The following MYT1L variants were observed in gnomAD, a reference collection of about 807,000 sequenced individuals.
MYT1L encodes myelin transcription factor 1 like, also known as myelin transcription factor 1-like protein.
Under a neutral mutation model 126.7 loss-of-function variants are expected in MYT1L, and 12 were observed. That is an observed-to-expected ratio of 0.09 (90% CI 0.06 to 0.15). The LOEUF (loss-of-function observed/expected upper bound fraction) is 0.15, where lower values mean the gene tolerates loss of function less well. MYT1L is among the 10% of genes least tolerant of loss of function. MYT1L has a pLI of 1.00. For synonymous variants in MYT1L, 541 were observed against 604.2 expected (o/e 0.90, Z 1.53); for missense variants, 979 against 1,585.2 (o/e 0.62, Z 6.49).
intron 2 of MYT1L, among the ~76,000 whole-genome samples, chr2:2,187,852 A>T (rs2092322255): frequency 6.6e-6 from 1 of 152,118 alleles, no homozygotes. Flanking sequence ...TCTTATCCCC[A>T]ATTCTTTTTA....
At chr2:1,808,470 T>TA (rs1354530301) in intron 22 of MYT1L, among the ~76,000 whole-genome samples, 1 of 151,746 alleles carries the variant, frequency 6.6e-6, no homozygotes, top group Non-Finnish European at 1.5e-5. Flanking sequence ...ACCTCGCAAA[T>TA]AGAGTCCCCA....
At chr2:2,164,715 T>C (rs1392980230) in intron 3 of MYT1L, among the ~76,000 whole-genome samples, 2 of 152,194 alleles carry the variant, frequency 1.3e-5, no homozygotes, top group South Asian at 2.1e-4. Context: ...TTTCAGGGCA[T>C]ATGAAAGAAA....
chr2:2,328,246 C>A (rs974968770), intron 1 of MYT1L, among the ~76,000 whole-genome samples: 1 of 151,966 alleles, frequency 6.6e-6, no homozygotes, highest in South Asian at 2.1e-4. Context: ...AGAAAGCAGA[C>A]AGAAAACATC....
chr2:1,810,129 CT>C (rs67292334), intron 21 of MYT1L: 72,119 of 122,738 alleles, frequency 0.59, 20,565 homozygotes, highest in South Asian at 0.71. Flanking sequence ...ATATATAACG[CT>C]TTTTTTTTTT....
chr2:2,192,505 T>C (rs2092639103), intron 2 of MYT1L, among the ~76,000 whole-genome samples: 1 of 152,166 alleles, frequency 6.6e-6, no homozygotes, highest in Non-Finnish European at 1.5e-5. Context: ...GCAGAATATC[T>C]TAAACTTCCC....
At chr2:2,060,473 T>C (rs915708706) in intron 3 of MYT1L, among the ~76,000 whole-genome samples, 3 of 152,218 alleles carry the variant, frequency 2.0e-5, no homozygotes, top group African/African-American at 7.2e-5. Flanking sequence ...GAATGATCTA[T>C]TACTTTATGT....
chr2:2,097,237 C>T (rs1460383350), intron 3 of MYT1L, among the ~76,000 whole-genome samples: 1 of 152,186 alleles, frequency 6.6e-6, no homozygotes, highest in Admixed American at 6.5e-5. Context: ...CTGATTCCTG[C>T]TTTGCTACAC....
chr2:2,309,376 A>G (rs1329490409), intron 1 of MYT1L, among the ~76,000 whole-genome samples: 1 of 151,718 alleles, frequency 6.6e-6, no homozygotes, highest in African/African-American at 2.4e-5. Flanking sequence ...TCTACACTTC[A>G]GTATACTCTG....
intron 8 of MYT1L, among the ~76,000 whole-genome samples, chr2:1,977,829 C>T (rs1172975008): frequency 1.3e-5 from 2 of 152,112 alleles, no homozygotes; most frequent in Non-Finnish European, 2.9e-5. Context: ...ATAAACAATG[C>T]AGTGTTTTAG....
In MYT1L at chr2:2,015,678, G is replaced by T. The variant is rs573312962; in HGVS notation, c.-157-18331C>A. On this transcript the variant is annotated intron_variant, in intron 4 of 24. Transcript: ENST00000647738. ...AAAACCACATGAGGAAACAAAGGTG[G>T]AAGGAGAAGCCTGTGAGGCAAGGGA... Among the ~76,000 whole-genome samples, 117 of 152,280 alleles carry T rather than the reference G, an allele frequency of 7.7e-4. 1 individual carries two copies. The highest frequency in any genetic ancestry group is 3.4e-3 in the Middle Eastern group (1 of 294).
At chr2:2,015,259 G>C (rs1027997169) in intron 4 of MYT1L, among the ~76,000 whole-genome samples, 1 of 152,128 alleles carries the variant, frequency 6.6e-6, no homozygotes, top group Non-Finnish European at 1.5e-5. Context: ...CTTAATTTGG[G>C]CTCCACGATA....
chr2:2,179,595 G>A (rs2091192503), intron 2 of MYT1L, among the ~76,000 whole-genome samples: 2 of 152,192 alleles, frequency 1.3e-5, no homozygotes, highest in South Asian at 4.1e-4. Context: ...ACGTAAAGGA[G>A]GTAGAATTAT....
At chr2:2,148,805 C>G (rs749054816) in intron 3 of MYT1L, among the ~76,000 whole-genome samples, 1 of 152,148 alleles carries the variant, frequency 6.6e-6, no homozygotes, top group African/African-American at 2.4e-5. Context: ...ACAGCATGAG[C>G]CTCCAAAAGG....
At chr2:2,086,906 GC>G (rs1467301871) in intron 3 of MYT1L, among the ~76,000 whole-genome samples, 28 of 152,110 alleles carry the variant, frequency 1.8e-4, no homozygotes, top group Admixed American at 1.8e-3. Flanking sequence ...CCCCTCAGAT[GC>G]CCCCTGCCAA....
At chr2:2,136,600 G>T (rs556088106) in intron 3 of MYT1L, among the ~76,000 whole-genome samples, 1 of 152,264 alleles carries the variant, frequency 6.6e-6, no homozygotes, top group Admixed American at 6.5e-5. Context: ...ATCAATGTAT[G>T]TTCTTTCTCT....
chr2:2,140,054 T>C (rs2083714447), intron 3 of MYT1L, among the ~76,000 whole-genome samples: 1 of 152,166 alleles, frequency 6.6e-6, no homozygotes, highest in Non-Finnish European at 1.5e-5. Context: ...AGAAATAAAA[T>C]ATGTTGCTTA....
intron 2 of MYT1L, among the ~76,000 whole-genome samples, chr2:2,270,830 G>A (rs529301950): frequency 8.5e-5 from 13 of 152,158 alleles, no homozygotes; most frequent in African/African-American, 2.6e-4. Context: ...AGATGTCACC[G>A]AGACTGAGCA....
intron 2 of MYT1L, among the ~76,000 whole-genome samples, chr2:2,283,347 T>C (rs2095476379): frequency 6.6e-6 from 1 of 152,170 alleles, no homozygotes; most frequent in Non-Finnish European, 1.5e-5. Context: ...GTAAAGAAAA[T>C]AGAAGTTTAA....
At chr2:1,857,184 G>A (rs995357931) in intron 18 of MYT1L, among the ~76,000 whole-genome samples, 19 of 152,200 alleles carry the variant, frequency 1.2e-4, no homozygotes, top group African/African-American at 3.9e-4. Flanking sequence ...GCATGACTGC[G>A]GGCCAAGACC....
Sources: allele counts gnomAD v4.1 joint callset (sites outside exome capture counted in the v4.1 genomes callset), GRCh38; gene constraint gnomAD v4.1.1; transcripts MANE v1.5; gene names NCBI Gene and HGNC (gene_info 2026-07-23, HGNC 2026-07-21).